ICA1: variants seen among roughly 807,000 people sequenced by gnomAD.
ICA1 encodes the protein islet cell autoantigen 1, also known as 69 kDa islet cell autoantigen.
In ICA1, 40 loss-of-function variants were observed where a neutral mutation model predicts 71.0. That is an observed-to-expected ratio of 0.56 (90% CI 0.44 to 0.73). The LOEUF is 0.73. Ranked by LOEUF, ICA1 falls within the 30% of genes least tolerant of loss-of-function variation. The probability of loss-of-function intolerance (pLI) is 0.00; values close to 1 mark genes in which losing one functional copy is unlikely to be tolerated. For synonymous variants in ICA1, 207 were observed against 209.5 expected (o/e 0.99, Z 0.10); for missense variants, 578 against 576.5 (o/e 1.00, Z -0.03).
At chr7:8,168,543 GCA>G (rs1267255886) in intron 6 of ICA1, among the ~76,000 whole-genome samples, 1 of 152,096 alleles carries the variant, frequency 6.6e-6, no homozygotes, top group East Asian at 1.9e-4. Flanking sequence ...TCTGAGATGT[GCA>G]CAAAATGTTT....
intron 8 of ICA1, 157 bp downstream of exon 8, chr7:8,156,938 AAAAAAAAAAAAAAAAAGAAAG>A (rs773296047): frequency 1.3e-5 from 11 of 848,388 alleles, no homozygotes; most frequent in South Asian, 3.9e-5. Context: ...GTAAAAAAAA[AAAAAAAAAAAAAAAAAGAAAG>A]AAAGAAAGAA....
intron 1 of ICA1, among the ~76,000 whole-genome samples, chr7:8,239,678 C>T (rs1803088172): frequency 2.0e-5 from 3 of 152,184 alleles, no homozygotes; most frequent in Admixed American, 6.5e-5. Context: ...CCTGGAAAAT[C>T]GGGACACTGC....
intron 6 of ICA1, among the ~76,000 whole-genome samples, chr7:8,178,882 A>G (rs1010147557): frequency 6.6e-6 from 1 of 152,100 alleles, no homozygotes; most frequent in Non-Finnish European, 1.5e-5. Context: ...TAGCATGATG[A>G]CCAGGTGCTC....
At chr7:8,189,904 AT>A (rs1298960153) in intron 6 of ICA1, among the ~76,000 whole-genome samples, 1 of 152,324 alleles carries the variant, frequency 6.6e-6, no homozygotes. Context: ...AGAAAGGCGG[AT>A]TTCAAGAGGT....
rs915786276 is a variant in ICA1 at position 8,226,156 on chromosome 7, C to T, written c.256+2445G>A. On this transcript the variant is annotated intron_variant, in intron 4 of 13. Coordinates refer to ENST00000402384, the MANE Select transcript of ICA1 (RefSeq NM_001136020.3). This position sits in a 1 kb window ranked among gnomAD's most constrained non-coding sequence, Gnocchi z 4.4. The stretch of plus-strand genomic sequence containing the variant: ...TATTTTTTGAGTCTATGAAATGTTA[C>T]TATGGTTTTATGAATCAGAGCTATG... Among the ~76,000 whole-genome samples the T allele has an allele frequency of 2.0e-5, 3 of 152,086 alleles. No homozygotes were observed. Among genetic ancestry groups the T allele is most frequent in the African/African-American group, 7.2e-5 (3 of 41,430 alleles).
intron 6 of ICA1, among the ~76,000 whole-genome samples, chr7:8,194,775 T>C (rs1335341285): frequency 6.6e-6 from 1 of 152,174 alleles, no homozygotes; most frequent in Non-Finnish European, 1.5e-5. Context: ...TTATAAAGAA[T>C]TTTTTGACAC....
intron 6 of ICA1, among the ~76,000 whole-genome samples, chr7:8,201,490 G>C (rs1276610273): frequency 6.6e-6 from 1 of 152,118 alleles, no homozygotes; most frequent in African/African-American, 2.4e-5. Context: ...GTCTCAGGGA[G>C]GAAAAGCCCT....
At chr7:8,125,383 C>G (rs1408659480) in intron 13 of ICA1, among the ~76,000 whole-genome samples, 2 of 152,204 alleles carry the variant, frequency 1.3e-5, no homozygotes, top group Non-Finnish European at 2.9e-5. Flanking sequence ...GGCATATCCT[C>G]ACCTTAGGGC....
intron 1 of ICA1, among the ~76,000 whole-genome samples, chr7:8,250,688 A>G (rs1367558802): frequency 6.6e-6 from 1 of 152,156 alleles, no homozygotes; most frequent in East Asian, 1.9e-4. Flanking sequence ...TTCTGCAATG[A>G]TTTTTGATAT....
In ICA1 at chr7:8,223,384, C is replaced by T. The variant is rs1209379157; in HGVS notation, c.257-1986G>A. 6.5e-6 allele frequency: 1 copy of T among 154,294 alleles called. No individual in the cohort carries two copies. The highest frequency in any genetic ancestry group is 2.4e-5 in the African/African-American group (1 of 41,484). The allele number at this position is 154,294 out of a possible 1,614,324, so 9.6% of individuals were successfully genotyped here. On this transcript the variant is annotated intron_variant, in intron 4 of 13. Transcript: ENST00000402384. This position sits in a 1 kb window ranked among gnomAD's most constrained non-coding sequence, Gnocchi z 4.1. ...CTAAATAAACCTAAGTAGGCTGAAACATTTAAAAATAATTTTCGGTCATTT... is the reference window on the plus strand; with the variant it reads ...CTAAATAAACCTAAGTAGGCTGAAATATTTAAAAATAATTTTCGGTCATTT...
Position 8,234,884 on chromosome 7 carries a change from G to T in ICA1, c.17+1026C>A, listed in dbSNP as rs189148783. ...AGTGGGCCATAGAATGGATTTCTTT[G>T]GCCGGGCGCGGTGGCTCATGCCTGT... On this transcript the variant is annotated intron_variant, in intron 2 of 13. Coordinates refer to ENST00000402384, the MANE Select transcript of ICA1 (RefSeq NM_001136020.3). The surrounding 1 kb of genome is among the most constrained non-coding windows in gnomAD (Gnocchi z 4.5). Among the ~76,000 whole-genome samples, 348 of 152,306 alleles carry T rather than the reference G, an allele frequency of 2.3e-3. No individual in the cohort carries two copies. Among genetic ancestry groups the T allele is most frequent in the African/African-American group, 7.9e-3 (328 of 41,560 alleles).
At chr7:8,140,559 A>G (rs962794205) in intron 10 of ICA1, among the ~76,000 whole-genome samples, 7 of 152,186 alleles carry the variant, frequency 4.6e-5, no homozygotes, top group African/African-American at 1.7e-4. Flanking sequence ...TAATGATTAG[A>G]TTACCATCTG....
chr7:8,256,415 G>A (rs112330543), intron 1 of ICA1, among the ~76,000 whole-genome samples: 4 of 151,582 alleles, frequency 2.6e-5, no homozygotes, highest in Non-Finnish European at 5.9e-5. Flanking sequence ...TTCCCTCTGC[G>A]CATGTCAGAA....
At chr7:8,178,761 C>T (rs372355525) in intron 6 of ICA1, among the ~76,000 whole-genome samples, 2 of 152,132 alleles carry the variant, frequency 1.3e-5, no homozygotes, top group African/African-American at 4.8e-5. Flanking sequence ...CTAATTTGCT[C>T]TGCTCTGGAA....
chr7:8,194,240 T>G (rs1484451656), intron 6 of ICA1, among the ~76,000 whole-genome samples: 3 of 152,106 alleles, frequency 2.0e-5, no homozygotes, highest in African/African-American at 7.2e-5. Context: ...TATTATACCC[T>G]AGATCCCTGA....
intron 6 of ICA1, among the ~76,000 whole-genome samples, chr7:8,168,003 G>T (rs993549103): frequency 2.1e-5 from 3 of 142,974 alleles, no homozygotes; most frequent in Non-Finnish European, 4.5e-5. Flanking sequence ...AGAAAAACAG[G>T]GGGGAGAGAG....
At chr7:8,133,360 C>T (rs1366440258) in intron 12 of ICA1, among the ~76,000 whole-genome samples, 5 of 152,126 alleles carry the variant, frequency 3.3e-5, no homozygotes, top group African/African-American at 9.7e-5. Flanking sequence ...AGTGGTGCAA[C>T]CATAGCACTC....
chr7:8,259,403 A>G (rs1191279479), intron 1 of ICA1, among the ~76,000 whole-genome samples: 1 of 152,164 alleles, frequency 6.6e-6, no homozygotes, highest in African/African-American at 2.4e-5. Flanking sequence ...AACTTCAGAG[A>G]GTGTTTTCCA....
chr7:8,237,815 GACAGACACAC>G (rs1316859210), intron 1 of ICA1, among the ~76,000 whole-genome samples: 1 of 135,260 alleles, frequency 7.4e-6, no homozygotes, highest in African/African-American at 3.2e-5. Context: ...CAATGTTGAA[GACAGACACAC>G]ACACACACAC....
Sources: allele counts gnomAD v4.1 joint callset (sites outside exome capture counted in the v4.1 genomes callset), GRCh38; gene constraint gnomAD v4.1.1; non-coding constraint Gnocchi (gnomAD v3.1); transcripts MANE v1.5; gene names NCBI Gene and HGNC (gene_info 2026-07-23, HGNC 2026-07-21).